RASL12: variants seen among roughly 807,000 people sequenced by gnomAD.
RASL12 encodes the protein RAS like family 12, also known as ras-like protein family member 12.
A neutral mutation model predicts 22.9 loss-of-function variants in RASL12; 16 were observed. That is an observed-to-expected ratio of 0.70 (90% CI 0.47 to 1.06). The LOEUF (loss-of-function observed/expected upper bound fraction) is 1.06. RASL12 is among the 50% of genes least tolerant of loss of function. RASL12 has a pLI of 0.00. For missense variants in RASL12, 306 were observed against 353.1 expected, an observed-to-expected ratio of 0.87 and a Z score of 1.07; for synonymous variants, 159 against 152.2, an observed-to-expected ratio of 1.04 and a Z score of -0.33.
chr15:65,051,599 C>A (rs879103777), downstream of RASL12: 2 of 1,613,192 alleles, frequency 1.2e-6, no homozygotes, highest in South Asian at 1.1e-5. Context: ...AGCATCCAGG[C>A]AAGCAGGTGA....
At chr15:65,049,924 G>T, downstream of RASL12, 1 of 1,101,880 alleles carries the variant, frequency 9.1e-7, no homozygotes, top group South Asian at 1.5e-5. Context: ...CTGCCCAGGG[G>T]CCAGAACCGA....
chr15:65,054,889 G>A lies in RASL12; in HGVS notation c.*10C>T. Reference sequence around the variant, plus strand: ...CAGCCACCGAGCCTAGGCTTCCTGGGGAGGGGGCCTCAGAAGATCTTGAAG... The same window carrying A: ...CAGCCACCGAGCCTAGGCTTCCTGGAGAGGGGGCCTCAGAAGATCTTGAAG... On this transcript the variant is annotated 3_prime_UTR_variant, in exon 5 of 5. Transcript: ENST00000220062. 1 of 1,603,070 alleles carries A rather than the reference G, an allele frequency of 6.2e-7. No homozygotes were observed. The highest frequency in any genetic ancestry group is 8.5e-7 in the Non-Finnish European group (1 of 1,172,472).
In RASL12 at chr15:65,055,093, C is replaced by A; in HGVS notation, c.607G>T (p.Ala203Ser). ...GTGAGCGGGGCCTGGTGGGGCAGGG[C>A]CCTCTCCTCGGAGATGAAGAGGGGC... ...TRPLFISEER[A>S]LPHQAPLTAR... Residue 203 changes from alanine to serine, a missense_variant, in exon 5 of 5, where the codon GCC (alanine) becomes TCC (serine). Physicochemically the swap from Ala to Ser is moderately conservative, Grantham distance 99 (BLOSUM62 1). Coordinates refer to ENST00000220062, the MANE Select transcript of RASL12 (RefSeq NM_016563.4). The A allele has an allele frequency of 6.2e-7, 1 of 1,611,484 alleles. No homozygotes were observed. Among genetic ancestry groups the A allele is most frequent in the Non-Finnish European group, 8.5e-7 (1 of 1,179,068 alleles).
chr15:65,067,224 A>C (rs2086888284), intron 1 of RASL12, among the ~76,000 whole-genome samples: 1 of 152,072 alleles, frequency 6.6e-6, no homozygotes, highest in East Asian at 1.9e-4. Flanking sequence ...TTGGACGGGA[A>C]GTCTTCCCCC....
chr15:65,057,624 T>G (rs997266575), intron 4 of RASL12, among the ~76,000 whole-genome samples: 4 of 152,092 alleles, frequency 2.6e-5, no homozygotes, highest in African/African-American at 9.7e-5. Flanking sequence ...TCCAACCCTT[T>G]CTAAGAGAAC....
Position 65,053,660 on chromosome 15 carries a change from A to G in RASL12, c.*1239T>C, listed in dbSNP as rs1230859353. 2 of 989,258 alleles carry G rather than the reference A, an allele frequency of 2.0e-6. No homozygotes were observed. The highest frequency in any genetic ancestry group is 1.1e-4 in the East Asian group (1 of 8,858). 61.3% of individuals were successfully genotyped at this position (989,258 alleles called of 1,614,324 possible). On this transcript the variant is annotated 3_prime_UTR_variant, in exon 5 of 5. Coordinates refer to ENST00000220062, the MANE Select transcript of RASL12 (RefSeq NM_016563.4). The stretch of plus-strand genomic sequence containing the variant: ...GAAGGAGCAGGCTTCCAGGCCCAGA[A>G]TCCCCTTCCCAATCCTTCCACCCAC...
intron 1 of RASL12, among the ~76,000 whole-genome samples, chr15:65,073,840 G>A: frequency 6.6e-6 from 1 of 152,172 alleles, no homozygotes; most frequent in East Asian, 1.9e-4. Flanking sequence ...TTGTTGTAAG[G>A]ACTTAGTATA....
chr15:65,061,973 C>T (rs1046631579), intron 2 of RASL12, among the ~76,000 whole-genome samples: 8 of 150,930 alleles, frequency 5.3e-5, no homozygotes, highest in South Asian at 2.1e-4. Context: ...CCCAGCTACT[C>T]GGGAGGCTGA....
chr15:65,067,810 C>T lies in RASL12; in HGVS notation c.26G>A (p.Arg9His), dbSNP rs374251034. 1 of 1,574,654 alleles carries T rather than the reference C, an allele frequency of 6.4e-7. No homozygotes were observed. The highest frequency in any genetic ancestry group is 8.6e-7 in the Non-Finnish European group (1 of 1,163,964). The change falls in exon 1 of 5, where the codon CGC (arginine) becomes CAC (histidine). Residue 9 changes from arginine (R) to histidine (H), a missense_variant. Physicochemically the swap from Arg to His is conservative, Grantham distance 29 (BLOSUM62 0). Transcript: ENST00000220062. ...CGCGCTCTGAGGCCCGCTGCCCGCG[C>T]GGGGTTTTCCAAACACCGAGGACAT... The part of the protein sequence containing the change: MSSVFGKP[R>H]AGSGPQSAPL...
chr15:65,061,344 T>C (rs1243185756), intron 2 of RASL12, among the ~76,000 whole-genome samples: 3 of 152,240 alleles, frequency 2.0e-5, no homozygotes, highest in Non-Finnish European at 2.9e-5. Context: ...CCTCCAGCTC[T>C]GTCTGGGCAG....
chr15:65,065,332 C>T (rs898065500), intron 1 of RASL12, 59 bp from the exon 2 acceptor site: 29 of 1,533,428 alleles, frequency 1.9e-5, no homozygotes, highest in Non-Finnish European at 2.3e-5. Flanking sequence ...CTGCTGGCCC[C>T]TCGTTTAAGG....
At chr15:65,067,620 G>T in intron 1 of RASL12, 113 bp downstream of exon 1, 1 of 1,281,012 alleles carries the variant, frequency 7.8e-7, no homozygotes, top group Non-Finnish European at 1.0e-6. Flanking sequence ...CCTCCTGGGT[G>T]AAGGAAGCTC....
At chr15:65,068,153 T>C, upstream of RASL12, 1 of 1,009,698 alleles carries the variant, frequency 9.9e-7, no homozygotes, top group Non-Finnish European at 1.2e-6. This position sits in a 1 kb window ranked among gnomAD's most constrained non-coding sequence, Gnocchi z 4.2. Context: ...ACCGCCGGGC[T>C]GGGCCTCGAG....
At chr15:65,047,043 C>T in the RASL12 span, among the ~76,000 whole-genome samples, 1 of 152,070 alleles carries the variant, frequency 6.6e-6, no homozygotes, top group Non-Finnish European at 1.5e-5. Context: ...GGTATAAGTA[C>T]AATAATACCT....
intron 1 of RASL12, among the ~76,000 whole-genome samples, chr15:65,075,116 G>C (rs1227491725): frequency 1.3e-5 from 2 of 152,252 alleles, no homozygotes; most frequent in African/African-American, 4.8e-5. Context: ...CCCGCACTCG[G>C]AGCAGTCAGC....
At chr15:65,066,759 C>T (rs2086883663) in intron 1 of RASL12, among the ~76,000 whole-genome samples, 1 of 152,170 alleles carries the variant, frequency 6.6e-6, no homozygotes, top group Non-Finnish European at 1.5e-5. Context: ...AGTCCCCTCT[C>T]TGGGGGTGGG....
Position 65,054,233 on chromosome 15 carries a change from C to G in RASL12, c.*666G>C, listed in dbSNP as rs762723404. ...GTCTGCTGGTGAAAGAACTCTGGGG[C>G]TCCTTATGCTGGACAACCTACAGTC... On this transcript the variant is annotated 3_prime_UTR_variant, in exon 5 of 5. Coordinates refer to ENST00000220062, the MANE Select transcript of RASL12 (RefSeq NM_016563.4). 1 of 985,808 alleles carries G rather than the reference C, an allele frequency of 1.0e-6. No homozygotes were observed. The highest frequency in any genetic ancestry group is 1.1e-4 in the East Asian group (1 of 8,830). 61.1% of individuals were successfully genotyped at this position (985,808 alleles called of 1,614,324 possible).
downstream of RASL12, among the ~76,000 whole-genome samples, chr15:65,050,836 C>T (rs56390972): frequency 0.86 from 81,547 of 95,158 alleles, 35,130 homozygotes; most frequent in East Asian, 0.98. Flanking sequence ...TCTTCTTCTT[C>T]TTTTTTTTTT....
At chr15:65,049,667 T>G (rs2086624199), downstream of RASL12, 1 of 173,496 alleles carries the variant, frequency 5.8e-6, no homozygotes, top group South Asian at 1.7e-4. Flanking sequence ...CGCCAGTGGC[T>G]CAGTCCTCCT....
Sources: gnomAD v4.1 joint callset for allele counts (sites outside exome capture counted in the v4.1 genomes callset) on GRCh38, gnomAD v4.1.1 for gene constraint, Gnocchi (gnomAD v3.1) non-coding constraint, MANE v1.5 for transcripts, NCBI Gene and HGNC (gene_info 2026-07-23, HGNC 2026-07-21) for gene names.